Variants in KCNH8 observed in about 807,000 individuals in gnomAD.
KCNH8 encodes potassium voltage-gated channel subfamily H member 8, also known as voltage-gated delayed rectifier potassium channel KCNH8.
KCNH8 carries 70 observed loss-of-function variants against 103.6 expected under a neutral mutation model. The observed-to-expected ratio is 0.68, with a 90% CI of 0.56 to 0.82. KCNH8 has a LOEUF of 0.82. KCNH8 is among the 40% of genes least tolerant of loss of function. The pLI is 0.00. For synonymous variants in KCNH8, 498 were observed against 489.4 expected, an observed-to-expected ratio of 1.02 and a Z score of -0.23; for missense variants, 1,217 against 1,329.9, an observed-to-expected ratio of 0.92 and a Z score of 1.32.
rs544185004 is a variant in KCNH8, at chr3:19,175,234, T to C, written c.76+26439T>C. Among the ~76,000 whole-genome samples the C allele has an allele frequency of 5.9e-5, 9 of 151,344 alleles. No homozygotes were observed. In the South Asian group the frequency reaches 1.7e-3, roughly 28 times the overall value. On this transcript the variant is annotated intron_variant, in intron 1 of 15. Coordinates refer to ENST00000328405, the MANE Select transcript of KCNH8 (RefSeq NM_144633.3). ...ACTGTTTTGTAATTTTTTTTTTTTT[T>C]TTTTTGAGACGGAGTCTCGCTCTGT...
chr3:19,479,326 ATAGT>A (rs1232003770), intron 11 of KCNH8, among the ~76,000 whole-genome samples: 9 of 152,192 alleles, frequency 5.9e-5, no homozygotes, highest in Admixed American at 1.3e-4. Context: ...CTAAGTCTTA[ATAGT>A]TAGTCTTGAT....
chr3:19,493,168 G>A (rs2068363954), intron 11 of KCNH8, among the ~76,000 whole-genome samples: 1 of 152,070 alleles, frequency 6.6e-6, no homozygotes, highest in South Asian at 2.1e-4. Context: ...ATATCACAAA[G>A]AGAGACAGTT....
At chr3:19,382,007 T>C (rs992772795) in intron 5 of KCNH8, among the ~76,000 whole-genome samples, 2 of 152,192 alleles carry the variant, frequency 1.3e-5, no homozygotes, top group Non-Finnish European at 2.9e-5. Flanking sequence ...TCCAGTTATA[T>C]CTCTATCCAT....
chr3:19,391,467 A>G (rs868079251), intron 6 of KCNH8, among the ~76,000 whole-genome samples: 1 of 152,098 alleles, frequency 6.6e-6, no homozygotes, highest in African/African-American at 2.4e-5. Context: ...AGTTCAAATT[A>G]ATCAGATATT....
intron 1 of KCNH8, among the ~76,000 whole-genome samples, chr3:19,174,376 A>C (rs575479882): frequency 5.3e-5 from 8 of 152,336 alleles, no homozygotes; most frequent in Admixed American, 5.2e-4. Flanking sequence ...TAGTATTAAA[A>C]ATGTCTCCAA....
intron 1 of KCNH8, among the ~76,000 whole-genome samples, chr3:19,170,182 AC>A: frequency 6.6e-6 from 1 of 152,286 alleles, no homozygotes; most frequent in South Asian, 2.1e-4. Context: ...GAGGAAAAAA[AC>A]ATTCTAAGTA....
chr3:19,435,641 C>T (rs1342728555), intron 7 of KCNH8, among the ~76,000 whole-genome samples: 2 of 152,142 alleles, frequency 1.3e-5, no homozygotes, highest in Non-Finnish European at 2.9e-5. Flanking sequence ...TGATTAAGTA[C>T]TTGCTGATTA....
chr3:19,354,377 C>G (rs201127254), intron 5 of KCNH8, among the ~76,000 whole-genome samples: 1 of 152,100 alleles, frequency 6.6e-6, no homozygotes, highest in Admixed American at 6.5e-5. Context: ...TTGGAAAAAA[C>G]TACTTTAAAG....
intron 10 of KCNH8, among the ~76,000 whole-genome samples, chr3:19,453,815 A>G (rs2067487935): frequency 1.3e-5 from 2 of 152,180 alleles, no homozygotes; most frequent in Admixed American, 1.3e-4. Context: ...TTTTTTGTTT[A>G]TAAGCTACCC....
intron 5 of KCNH8, among the ~76,000 whole-genome samples, chr3:19,373,990 C>A (rs1416588281): frequency 6.6e-6 from 1 of 152,176 alleles, no homozygotes; most frequent in Admixed American, 6.5e-5. Context: ...GTTACAGTCT[C>A]TGTTCTTTTA....
chr3:19,496,619 C>T (rs1244505828), intron 11 of KCNH8, among the ~76,000 whole-genome samples: 5 of 151,602 alleles, frequency 3.3e-5, no homozygotes, highest in African/African-American at 1.2e-4. Flanking sequence ...GGATTTTTGT[C>T]TGTGTTCATC....
intron 3 of KCNH8, among the ~76,000 whole-genome samples, chr3:19,296,009 G>A (rs2064992776): frequency 6.6e-6 from 1 of 152,056 alleles, no homozygotes; most frequent in African/African-American, 2.4e-5. Flanking sequence ...AAGTGTCCAG[G>A]AGTCACTATG....
intron 3 of KCNH8, among the ~76,000 whole-genome samples, chr3:19,298,047 G>A (rs1325514788): frequency 6.6e-6 from 1 of 152,196 alleles, no homozygotes; most frequent in Non-Finnish European, 1.5e-5. Context: ...CACCATTGGA[G>A]TCAAAATATA....
At chr3:19,160,308 C>T (rs2063221301) in intron 1 of KCNH8, among the ~76,000 whole-genome samples, 1 of 152,094 alleles carries the variant, frequency 6.6e-6, no homozygotes, top group Non-Finnish European at 1.5e-5. Context: ...GACTGCTCTT[C>T]CAAATGAATT....
intron 3 of KCNH8, among the ~76,000 whole-genome samples, chr3:19,321,442 T>A (rs2065348827): frequency 6.6e-6 from 1 of 152,024 alleles, no homozygotes; most frequent in Non-Finnish European, 1.5e-5. Context: ...GTGGACCTAA[T>A]GATCATTCAA....
chr3:19,390,761 C>A, intron 6 of KCNH8, 123 bp downstream of exon 6: 1 of 884,910 alleles, frequency 1.1e-6, no homozygotes, highest in Non-Finnish European at 1.7e-6. Context: ...TAAAGATGCC[C>A]TGATGCCCAG....
At chr3:19,233,788 C>T (rs921464646) in intron 1 of KCNH8, among the ~76,000 whole-genome samples, 1 of 151,938 alleles carries the variant, frequency 6.6e-6, no homozygotes, top group African/African-American at 2.4e-5. Context: ...AGCCATGGAC[C>T]CTCGCGGTGA....
At chr3:19,161,324 T>G (rs2125186515) in intron 1 of KCNH8, among the ~76,000 whole-genome samples, 1 of 152,338 alleles carries the variant, frequency 6.6e-6, no homozygotes, top group African/African-American at 2.4e-5. Flanking sequence ...TGTAGCATTC[T>G]TTGTCTGCCT....
intron 11 of KCNH8, among the ~76,000 whole-genome samples, chr3:19,474,343 C>G (rs1456028953): frequency 6.6e-6 from 1 of 152,166 alleles, no homozygotes; most frequent in Non-Finnish European, 1.5e-5. Flanking sequence ...CTGTGCTCAG[C>G]AGGCAGATCT....
Sources: allele counts gnomAD v4.1 joint callset (sites outside exome capture counted in the v4.1 genomes callset), GRCh38; gene constraint gnomAD v4.1.1; transcripts MANE v1.5; gene names NCBI Gene and HGNC (gene_info 2026-07-23, HGNC 2026-07-21).